The following GPC5 variants were observed in gnomAD, a reference collection of about 807,000 sequenced individuals.
GPC5 encodes the protein glypican-5.
A neutral mutation model predicts 53.9 loss-of-function variants in GPC5; 47 were observed. The observed-to-expected ratio is 0.87, with a 90% CI of 0.69 to 1.11. The LOEUF (loss-of-function observed/expected upper bound fraction) is 1.11. GPC5 is among the 50% of genes most tolerant of loss of function. GPC5 has a pLI of 0.00. For missense variants in GPC5, 748 were observed against 713.1 expected (o/e 1.05, Z -0.56); for synonymous variants, 286 against 263.3 (o/e 1.09, Z -0.84).
At chr13:92,812,774 T>G (rs575487715) in intron 7 of GPC5, among the ~76,000 whole-genome samples, 6 of 151,998 alleles carry the variant, frequency 3.9e-5, no homozygotes, top group African/African-American at 1.2e-4. Context: ...GGGTACAAGA[T>G]CAACATACAA....
intron 4 of GPC5, among the ~76,000 whole-genome samples, chr13:91,740,766 T>C (rs1382295386): frequency 6.6e-6 from 1 of 152,162 alleles, no homozygotes. Context: ...TGCGCTCATA[T>C]AGTTGTCTAA....
At chr13:92,482,567 G>A (rs1199018213) in intron 7 of GPC5, among the ~76,000 whole-genome samples, 1 of 151,952 alleles carries the variant, frequency 6.6e-6, no homozygotes, top group African/African-American at 2.4e-5. Context: ...TTTGGCCAGG[G>A]TTTTTTTCCC....
chr13:92,382,093 T>C (rs1229302106), intron 7 of GPC5, among the ~76,000 whole-genome samples: 1 of 151,462 alleles, frequency 6.6e-6, no homozygotes, highest in Non-Finnish European at 1.5e-5. Flanking sequence ...GAGGCTATTA[T>C]TCTAAATGAA....
intron 7 of GPC5, among the ~76,000 whole-genome samples, chr13:92,851,926 G>A (rs945882390): frequency 6.8e-6 from 1 of 147,968 alleles, no homozygotes; most frequent in Non-Finnish European, 1.5e-5. Flanking sequence ...CATAAGCCAA[G>A]ATAGCCACTC....
At chr13:92,442,460 C>T (rs1460616594) in intron 7 of GPC5, among the ~76,000 whole-genome samples, 1 of 151,992 alleles carries the variant, frequency 6.6e-6, no homozygotes, top group Non-Finnish European at 1.5e-5. Context: ...GATCCTGGGA[C>T]CCATAATATT....
At chr13:92,398,922 A>T (rs1236710791) in intron 7 of GPC5, among the ~76,000 whole-genome samples, 1 of 152,036 alleles carries the variant, frequency 6.6e-6, no homozygotes, top group South Asian at 2.1e-4. Flanking sequence ...TTTCCATCCT[A>T]ACCTAGATCC....
intron 3 of GPC5, among the ~76,000 whole-genome samples, chr13:91,716,458 A>G (rs2036340973): frequency 6.6e-6 from 1 of 152,216 alleles, no homozygotes; most frequent in African/African-American, 2.4e-5. Context: ...ATTTAGTTGG[A>G]TGAAATTATA....
intron 7 of GPC5, among the ~76,000 whole-genome samples, chr13:92,203,092 C>A (rs1170397112): frequency 1.3e-5 from 2 of 152,028 alleles, no homozygotes; most frequent in Non-Finnish European, 2.9e-5. Flanking sequence ...GATGTGGAGC[C>A]CAGATCTTTT....
At chr13:92,181,012 A>G (rs2042143092) in intron 7 of GPC5, 2 of 152,860 alleles carry the variant, frequency 1.3e-5, no homozygotes, top group South Asian at 4.1e-4. Flanking sequence ...TCACCTTTCT[A>G]CACACCAGTT....
chr13:91,676,342 A>T (rs1013118996), intron 2 of GPC5, among the ~76,000 whole-genome samples: 1 of 152,104 alleles, frequency 6.6e-6, no homozygotes, highest in Non-Finnish European at 1.5e-5. Flanking sequence ...AGGTGGTGGG[A>T]TTACAGACAC....
chr13:91,408,497 A>G (rs1427812748), intron 1 of GPC5, among the ~76,000 whole-genome samples: 1 of 152,096 alleles, frequency 6.6e-6, no homozygotes, highest in African/African-American at 2.4e-5. Flanking sequence ...CCTCTTTTCA[A>G]TGGTAGCATA....
chr13:92,140,744 A>C lies in GPC5; in HGVS notation c.1402-4086A>C, dbSNP rs1926491. 9.6e-3 allele frequency among the ~76,000 whole-genome samples: 1,457 copies of C among 152,294 alleles called. 27 individuals are homozygous for C. The highest frequency in any genetic ancestry group is 0.033 in the African/African-American group (1,370 of 41,558). Reference sequence around the variant, plus strand: ...ATGGTGGTAGTGGGTAGGAGAGACTAATGGCCCCTGTAATGAGGGAGCTGG... The same window carrying C: ...ATGGTGGTAGTGGGTAGGAGAGACTCATGGCCCCTGTAATGAGGGAGCTGG... On this transcript the variant is annotated intron_variant, in intron 6 of 7. Coordinates refer to ENST00000377067, the MANE Select transcript of GPC5 (RefSeq NM_004466.6).
intron 7 of GPC5, among the ~76,000 whole-genome samples, chr13:92,530,282 A>G (rs1421650792): frequency 1.3e-5 from 2 of 152,076 alleles, no homozygotes. Context: ...ATCACGCATT[A>G]GTTCAATTTA....
chr13:91,615,747 C>T (rs1267871366), intron 2 of GPC5, among the ~76,000 whole-genome samples: 1 of 152,120 alleles, frequency 6.6e-6, no homozygotes, highest in Non-Finnish European at 1.5e-5. Flanking sequence ...ATGTCATTTC[C>T]CCTTTACTCA....
intron 3 of GPC5, among the ~76,000 whole-genome samples, chr13:91,696,924 T>C (rs1461040581): frequency 6.6e-6 from 1 of 152,206 alleles, no homozygotes; most frequent in Non-Finnish European, 1.5e-5. Flanking sequence ...TTCACATCTG[T>C]CTCTGCCTCT....
At chr13:92,615,114 A>T (rs1034136619) in intron 7 of GPC5, among the ~76,000 whole-genome samples, 1 of 152,242 alleles carries the variant, frequency 6.6e-6, no homozygotes, top group Non-Finnish European at 1.5e-5. Context: ...AAGGAAGCAG[A>T]GTCACATAAT....
At chr13:92,675,851 G>T (rs984074128) in intron 7 of GPC5, among the ~76,000 whole-genome samples, 5 of 152,048 alleles carry the variant, frequency 3.3e-5, no homozygotes, top group Non-Finnish European at 7.4e-5. Flanking sequence ...CTGTCCTATT[G>T]ATTTTCACAC....
At chr13:91,522,147 G>A (rs1885851987) in intron 2 of GPC5, among the ~76,000 whole-genome samples, 1 of 152,142 alleles carries the variant, frequency 6.6e-6, no homozygotes, top group Admixed American at 6.5e-5. Context: ...ATTTATGGAG[G>A]CTTCATTACT....
chr13:92,355,682 T>C (rs2043515534), intron 7 of GPC5, among the ~76,000 whole-genome samples: 1 of 152,172 alleles, frequency 6.6e-6, no homozygotes, highest in Non-Finnish European at 1.5e-5. Flanking sequence ...TGCTGACTTC[T>C]TTATTTCTTG....
Sources: gnomAD v4.1 joint callset for allele counts (sites outside exome capture counted in the v4.1 genomes callset) on GRCh38, gnomAD v4.1.1 for gene constraint, MANE v1.5 for transcripts, NCBI Gene and HGNC (gene_info 2026-07-23, HGNC 2026-07-21) for gene names.